The following UBR2 variants were observed in gnomAD, a reference collection of about 807,000 sequenced individuals.
UBR2 encodes E3 ubiquitin-protein ligase UBR2.
UBR2 carries 92 observed loss-of-function variants against 247.9 expected under a neutral mutation model. The ratio of observed to expected loss-of-function variants is 0.37; its 90% CI spans 0.31 to 0.44. The LOEUF (loss-of-function observed/expected upper bound fraction) is 0.44. UBR2 is among the 20% of genes least tolerant of loss of function. UBR2 has a pLI of 1.00. For synonymous variants in UBR2, 672 were observed against 693.5 expected (o/e 0.97, Z 0.49); for missense variants, 1,613 against 2,112.6 (o/e 0.76, Z 4.64).
Position 42,637,151 on chromosome 6 carries a change from A to T in UBR2, c.1815A>T (p.Gln605His). 1 of 1,613,658 alleles carries T rather than the reference A, an allele frequency of 6.2e-7. No individual in the cohort carries two copies. The highest frequency in any genetic ancestry group is 8.5e-7 in the Non-Finnish European group (1 of 1,179,804). Reference sequence around the variant, plus strand: ...AAACTATCAGATACTGTGTTTCCCAAGAAAAAGTTAGCATTCACCTCCCAG... The same window carrying T: ...AAACTATCAGATACTGTGTTTCCCATGAAAAAGTTAGCATTCACCTCCCAG... The part of the protein sequence containing the change: ...SVETIRYCVS[Q>H]EKVSIHLPVS... The change falls in exon 15 of 47, where the codon CAA (glutamine) becomes CAT (histidine). Residue 605 changes from glutamine to histidine, a missense_variant. Coordinates refer to ENST00000372901, the MANE Select transcript of UBR2 (RefSeq NM_001363705.2).
intron 5 of UBR2, among the ~76,000 whole-genome samples, chr6:42,605,022 A>G (rs568813848): frequency 2.0e-5 from 3 of 151,502 alleles, no homozygotes; most frequent in Non-Finnish European, 2.9e-5. Flanking sequence ...GTGAGACCCT[A>G]TCTCAAAAAA....
chr6:42,667,885 A>G (rs1402442297), intron 34 of UBR2, among the ~76,000 whole-genome samples: 4 of 150,826 alleles, frequency 2.7e-5, no homozygotes, highest in Non-Finnish European at 5.9e-5. Context: ...CAGCCTCCCA[A>G]GTAGCTGGGA....
At chr6:42,684,051 T>G (rs1376771953) in intron 43 of UBR2, among the ~76,000 whole-genome samples, 1 of 152,200 alleles carries the variant, frequency 6.6e-6, no homozygotes, top group Non-Finnish European at 1.5e-5. Flanking sequence ...AATGTCAATT[T>G]TTATCAGTCA....
chr6:42,647,809 TTTTCA>T lies in UBR2; in HGVS notation c.2410-305_2410-301del, dbSNP rs562686843. Reference sequence around the variant, plus strand: ...TTTTAAATGTTTTATATACTTTGTGTTTTCATTTAATTCCTTTAGAAAGCTCTTAC... The same window carrying T: ...TTTTAAATGTTTTATATACTTTGTGTTTTAATTCCTTTAGAAAGCTCTTAC... On this transcript the variant is annotated intron_variant, in intron 21 of 46. Transcript: ENST00000372901. Among the ~76,000 whole-genome samples, 581 of 152,320 alleles carry T rather than the reference TTTTCA, an allele frequency of 3.8e-3. 3 individuals carry two copies. The highest frequency in any genetic ancestry group is 6.7e-3 in the Non-Finnish European group (457 of 68,030).
intron 19 of UBR2, 37 bp from the exon 20 acceptor site, chr6:42,644,436 C>T: frequency 1.2e-6 from 2 of 1,605,256 alleles, no homozygotes; most frequent in Non-Finnish European, 1.7e-6. Context: ...TATGCATATT[C>T]TTATCTCTGA....
intron 34 of UBR2, 29 bp from the exon 35 acceptor site, chr6:42,670,063 T>C (rs771847145): frequency 6.2e-7 from 1 of 1,610,892 alleles, no homozygotes; most frequent in Admixed American, 1.7e-5. Flanking sequence ...CACATTGTTC[T>C]GAGCTAATTT....
At chr6:42,688,755 A>G (rs766668649) in intron 45 of UBR2, among the ~76,000 whole-genome samples, 5 of 151,840 alleles carry the variant, frequency 3.3e-5, no homozygotes, top group African/African-American at 4.8e-5. Context: ...TATTATCACA[A>G]CTCTACATGC....
intron 2 of UBR2, among the ~76,000 whole-genome samples, chr6:42,586,538 C>CTTTTTTTTTTTTTTTTTTTTTTTCTTT (rs147830824): frequency 1.0e-5 from 1 of 97,256 alleles, no homozygotes; most frequent in Admixed American, 1.2e-4. Flanking sequence ...GTTTGTCTCT[C>CTTTTTTTTTTTTTTTTTTTTTTTCTTT]TTTTTTTTTT....
intron 26 of UBR2, among the ~76,000 whole-genome samples, chr6:42,656,102 T>C (rs1291892019): frequency 6.6e-6 from 1 of 152,194 alleles, no homozygotes; most frequent in Non-Finnish European, 1.5e-5. Context: ...GTTGAAAGAA[T>C]TGTCCAGTAA....
At position 42,672,040 on chromosome 6, in the gene UBR2, CT is replaced by C. The variant is rs56166922; in HGVS notation, c.4086+1335del. On this transcript the variant is annotated intron_variant, in intron 36 of 46. Transcript: ENST00000372901. ...CCAGGAGAAACCAGAAAATTGAAGTCTTTTTTTTTTGAGATGGAGTCTCACT... is the reference window on the plus strand; with the variant it reads ...CCAGGAGAAACCAGAAAATTGAAGTCTTTTTTTTTGAGATGGAGTCTCACT... 1.6e-4 allele frequency among the ~76,000 whole-genome samples: 24 copies of C among 149,528 alleles called. No homozygotes were observed. In the East Asian group the frequency reaches 2.1e-3, roughly 13 times the overall value.
chr6:42,652,504 G>T lies in UBR2; in HGVS notation c.2628G>T (p.Pro876=), dbSNP rs146653824. The stretch of plus-strand genomic sequence containing the variant: ...CTGTATTTTCAGCACTCCCACCTCC[G>T]GTGTTGCCTCCATTCTGCCCTCTGT... ...QNREDTALPP[P]VLPPFCPLFA... is the part of the protein sequence containing the mutation. The change falls in exon 25 of 47, where the codon CCG becomes CCT. Residue 876 remains proline, a synonymous_variant. Transcript: ENST00000372901. 1 of 1,606,070 alleles carries T rather than the reference G, an allele frequency of 6.2e-7. No individual in the cohort carries two copies. The highest frequency in any genetic ancestry group is 8.5e-7 in the Non-Finnish European group (1 of 1,178,288).
chr6:42,661,643 T>C (rs1797809942), intron 30 of UBR2, among the ~76,000 whole-genome samples: 1 of 152,238 alleles, frequency 6.6e-6, no homozygotes, highest in African/African-American at 2.4e-5. Context: ...ATTACCTTTT[T>C]TCCCCCCATC....
chr6:42,687,278 C>A (rs1799490601), intron 44 of UBR2, among the ~76,000 whole-genome samples: 1 of 152,222 alleles, frequency 6.6e-6, no homozygotes, highest in Non-Finnish European at 1.5e-5. Context: ...CCGTCAGGAG[C>A]TGGAGACCAG....
chr6:42,604,406 C>A (rs1246402511), intron 5 of UBR2, among the ~76,000 whole-genome samples: 1 of 152,056 alleles, frequency 6.6e-6, no homozygotes, highest in East Asian at 1.9e-4. Flanking sequence ...GGTGCTGTTT[C>A]TTTTTTGCTT....
intron 11 of UBR2, among the ~76,000 whole-genome samples, chr6:42,629,963 G>C (rs2151949115): frequency 6.6e-6 from 1 of 152,116 alleles, no homozygotes; most frequent in South Asian, 2.1e-4. Context: ...AGGCCTTGCT[G>C]TGTTGCCCAG....
Position 42,644,800 on chromosome 6 carries a change from G to A in UBR2, c.2284+264G>A, listed in dbSNP as rs572850030. 2.6e-5 allele frequency among the ~76,000 whole-genome samples: 4 copies of A among 152,212 alleles called. No homozygotes were observed. In the East Asian group the frequency reaches 7.7e-4, roughly 29 times the overall value. The stretch of plus-strand genomic sequence containing the variant: ...TGTATTTTGCGAGGTGGTGGTAGGG[G>A]GAGCGGGGGACAGGAGAATTTAGCA... On this transcript the variant is annotated intron_variant, in intron 20 of 46. Transcript: ENST00000372901.
chr6:42,650,330 T>C lies in UBR2; in HGVS notation c.2509T>C (p.Cys837Arg), dbSNP rs139889031. 3.0e-4 allele frequency: 492 copies of C among 1,614,120 alleles called. 4 individuals carry two copies. The African/African-American group carries it at 5.9e-3, about 19-fold the overall frequency. ...AGGCATGTATGAACTGAAACCAGAA[T>C]GTGCCAAAGAGTTCAACTTGTATTT... ...GRGMYELKPE[C>R]AKEFNLYFYH... The change falls in exon 23 of 47, where the codon TGT (cysteine) becomes CGT (arginine). Residue 837 changes from cysteine to arginine, a missense_variant. Transcript: ENST00000372901.
intron 7 of UBR2, among the ~76,000 whole-genome samples, chr6:42,608,322 A>G (rs1354699387): frequency 1.3e-5 from 2 of 152,144 alleles, no homozygotes; most frequent in Admixed American, 1.3e-4. Flanking sequence ...AAATTTTTAA[A>G]TTTTGCCAAT....
chr6:42,565,992 A>C (rs1340788693), intron 1 of UBR2, among the ~76,000 whole-genome samples: 2 of 152,220 alleles, frequency 1.3e-5, no homozygotes, highest in African/African-American at 4.8e-5. Flanking sequence ...AAATGAAAGT[A>C]GTGTTACAAG....
Sources: gnomAD v4.1 joint callset for allele counts (sites outside exome capture counted in the v4.1 genomes callset) on GRCh38, gnomAD v4.1.1 for gene constraint, MANE v1.5 for transcripts, NCBI Gene and HGNC (gene_info 2026-07-23, HGNC 2026-07-21) for gene names.